DNPEP: variants seen among roughly 807,000 people sequenced by gnomAD.
DNPEP encodes the protein aspartyl aminopeptidase.
DNPEP carries 46 observed loss-of-function variants against 59.1 expected under a neutral mutation model. The observed-to-expected ratio is 0.78, with a 90% CI of 0.61 to 0.99. The LOEUF (loss-of-function observed/expected upper bound fraction) is 0.99. Ranked by LOEUF, DNPEP falls within the 50% of genes least tolerant of loss-of-function variation. The pLI is 0.00. For missense variants in DNPEP, 617 were observed against 649.9 expected (o/e 0.95, Z 0.55); for synonymous variants, 229 against 242.2 (o/e 0.95, Z 0.50).
rs1199255091 is a variant in DNPEP at position 219,399,610 on chromosome 2, C to A, written c.-158+330G>T. 8 of 637,808 alleles carry A rather than the reference C, an allele frequency of 1.3e-5. No homozygotes were observed. The East Asian group carries it at 2.4e-4, about 19-fold the overall frequency. The allele number at this position is 637,808 out of a possible 1,614,324, so 39.5% of individuals were successfully genotyped here. ...GCCCTTGAACTCAGTTGTTGGGCAA[C>A]GTGGAGAGAATAGGGCACCAGACAG... On this transcript the variant is annotated intron_variant, in intron 1 of 6. Transcript: ENST00000434339.
chr2:219,392,262 C>T (rs113956356), upstream of DNPEP, among the ~76,000 whole-genome samples: 1,830 of 152,166 alleles, frequency 0.012, 23 homozygotes, highest in Non-Finnish European at 0.018. Flanking sequence ...TTTGGTTTAA[C>T]ACATATTAAA....
At position 219,383,916 on chromosome 2, in the gene DNPEP, T is replaced by C. The variant is rs554994336; in HGVS notation, c.852+450A>G. 3.3e-5 allele frequency among the ~76,000 whole-genome samples: 5 copies of C among 152,126 alleles called. No individual in the cohort carries two copies. In the East Asian group the frequency reaches 9.7e-4, roughly 29 times the overall value. ...TAGGGTGGAGAGAAGGTGGGGAATA[T>C]CAAGGTGACTAGGAAGAGAGGCTAC... On this transcript the variant is annotated intron_variant, in intron 9 of 14. Transcript: ENST00000273075.
chr2:219,387,362 T>A, intron 1 of DNPEP, 199 bp from the exon 2 acceptor site: 1 of 1,441,744 alleles, frequency 6.9e-7, no homozygotes. Context: ...CCCAGGATCA[T>A]GAGCCAGGCC....
Position 219,374,148 on chromosome 2 carries a change from C to T in DNPEP, c.*144G>A, listed in dbSNP as rs1354716751. 1.2e-6 allele frequency: 1 copy of T among 807,662 alleles called. No homozygotes were observed. The allele number at this position is 807,662 out of a possible 1,614,324, so 50.0% of individuals were successfully genotyped here. ...TCTGGTTCCAAAGGTTCAAGCCAGGCTCAACTCCCACTCCTCTAGTCTCCA... is the reference window on the plus strand; with the variant it reads ...TCTGGTTCCAAAGGTTCAAGCCAGGTTCAACTCCCACTCCTCTAGTCTCCA... On this transcript the variant is annotated 3_prime_UTR_variant, in exon 15 of 15. Transcript: ENST00000273075.
intron 8 of DNPEP, 187 bp downstream of exon 8, chr2:219,385,237 G>T: frequency 1.8e-6 from 1 of 570,410 alleles, no homozygotes; most frequent in Non-Finnish European, 3.2e-6. Context: ...GGGCAGGTCT[G>T]GGGTAGGGAA....
At chr2:219,384,607 C>T (rs2002892) in intron 8 of DNPEP, 164 bp from the exon 9 acceptor site, 514,199 of 540,248 alleles carry the variant, frequency 0.95, 247,072 homozygotes, top group Non-Finnish European at 0.99. Context: ...TCGCTCTTGT[C>T]GCCCAGTCTG....
chr2:219,397,441 C>T (rs1454972437), intron 1 of DNPEP, among the ~76,000 whole-genome samples: 1 of 152,132 alleles, frequency 6.6e-6, no homozygotes, highest in African/African-American at 2.4e-5. Context: ...TCTTGGCTCA[C>T]TGCAACTTCA....
At chr2:219,387,929 C>T, upstream of DNPEP, 1 of 1,371,264 alleles carries the variant, frequency 7.3e-7, no homozygotes, top group Non-Finnish European at 9.3e-7. Context: ...CGCGCCGCCC[C>T]GCCCCATGTT....
chr2:219,388,668 C>A (rs919255048), upstream of DNPEP: 4 of 985,240 alleles, frequency 4.1e-6, no homozygotes, highest in Admixed American at 1.2e-4. Context: ...CCCCGGGCCT[C>A]GAGGCCAATA....
intron 13 of DNPEP, among the ~76,000 whole-genome samples, chr2:219,376,352 G>T (rs1953370598): frequency 6.6e-6 from 1 of 151,984 alleles, no homozygotes; most frequent in Non-Finnish European, 1.5e-5. Context: ...GCCGGGCATG[G>T]TGGTGCATGC....
chr2:219,399,892 T>C, intron 1 of DNPEP: 2 of 1,550,548 alleles, frequency 1.3e-6, no homozygotes, highest in Non-Finnish European at 1.7e-6. Context: ...AGCCAGCTGT[T>C]GGGGACGAAC....
chr2:219,385,709 G>C lies in DNPEP; in HGVS notation c.591-3C>G. 6.3e-7 allele frequency: 1 copy of C among 1,596,848 alleles called. No individual in the cohort carries two copies. The highest frequency in any genetic ancestry group is 1.1e-5 in the South Asian group (1 of 88,582). Reference sequence around the variant, plus strand: ...TGGCTGTGGCAAGAATGGGGACTCTGTGGGGAGACGTGGGTTGTGGGGGGA... The same window carrying C: ...TGGCTGTGGCAAGAATGGGGACTCTCTGGGGAGACGTGGGTTGTGGGGGGA... On this transcript the variant is annotated splice_polypyrimidine_tract_variant and splice_region_variant and intron_variant, in intron 6 of 14. Transcript: ENST00000273075.
At position 219,381,431 on chromosome 2, in the gene DNPEP, G is replaced by C. The variant is rs1465506902; in HGVS notation, c.1143C>G (p.Pro381=). 2.5e-6 allele frequency: 4 copies of C among 1,614,200 alleles called. No individual in the cohort carries two copies. The highest frequency in any genetic ancestry group is 2.2e-5 in the South Asian group (2 of 91,088). Residue 381 remains proline, a synonymous_variant, in exon 13 of 15, where the codon CCC becomes CCG. Transcript: ENST00000273075. ...ENHRPLFHKG[P]VIKVNSKQRY... is the part of the protein sequence containing the mutation. ...GTTGCTTGCTGTTCACCTTGATCAC[G>C]GGGCCCTGGGGAGAGTCAAGGTGAG...
chr2:219,387,198 C>A, intron 1 of DNPEP, 35 bp from the exon 2 acceptor site: 1 of 1,547,198 alleles, frequency 6.5e-7, no homozygotes, highest in Non-Finnish European at 8.7e-7. Flanking sequence ...TTTACAAGGT[C>A]TGGGACCCCT....
chr2:219,373,992 C>T lies in DNPEP; in HGVS notation c.*300G>A. ...GAGGACTAGGGGTGGGAGAAGTGAC[C>T]TTCTGCTTGAGGATCCAGTCCACCC... On this transcript the variant is annotated 3_prime_UTR_variant, in exon 15 of 15. Transcript: ENST00000273075. 2.7e-6 allele frequency: 1 copy of T among 373,496 alleles called. No homozygotes were observed. The highest frequency in any genetic ancestry group is 4.9e-6 in the Non-Finnish European group (1 of 203,160). 23.1% of individuals were successfully genotyped at this position (373,496 alleles called of 1,614,324 possible).
At chr2:219,379,466 T>C (rs754919145) in intron 13 of DNPEP, among the ~76,000 whole-genome samples, 1 of 151,940 alleles carries the variant, frequency 6.6e-6, no homozygotes, top group African/African-American at 2.4e-5. Context: ...AACCAAAAAG[T>C]TTAAAAATTT....
At chr2:219,396,303 A>G (rs1954095966) in intron 1 of DNPEP, among the ~76,000 whole-genome samples, 1 of 152,142 alleles carries the variant, frequency 6.6e-6, no homozygotes, top group Non-Finnish European at 1.5e-5. Flanking sequence ...AAGATAAACA[A>G]GGGCTGGGCG....
rs1191724118 is a variant in DNPEP at position 219,387,769 on chromosome 2, CCG to C, written c.24_25del (p.Ala10HisfsTer8). 6.2e-7 allele frequency: 1 copy of C among 1,605,816 alleles called. No homozygotes were observed. Among genetic ancestry groups the C allele is most frequent in the African/African-American group, 1.3e-5 (1 of 74,238 alleles). On this transcript the variant is annotated frameshift_variant, in exon 1 of 15. Coordinates refer to ENST00000273075, the MANE Select transcript of DNPEP (RefSeq NM_012100.4). LOFTEE classifies it high-confidence loss of function. ...TCGGGAGCCACTTACCTGCATGGCC[CCG>C]CGCGTGGGGCTGTGTCCGCTCATCT... is the stretch of plus-strand genomic sequence containing the variant.
chr2:219,387,612 A>G (rs887786418), intron 1 of DNPEP, 147 bp downstream of exon 1: 9 of 1,538,038 alleles, frequency 5.9e-6, no homozygotes, highest in Middle Eastern at 1.7e-4. Context: ...CAGTCCCGGG[A>G]AAGTCGTCAG....
Sources: allele counts gnomAD v4.1 joint callset (sites outside exome capture counted in the v4.1 genomes callset), GRCh38; gene constraint gnomAD v4.1.1; transcripts MANE v1.5; gene names NCBI Gene and HGNC (gene_info 2026-07-23, HGNC 2026-07-21).